The following DDAH1 variants were observed in gnomAD, a reference collection of about 807,000 sequenced individuals.
The protein encoded by DDAH1 is dimethylarginine dimethylaminohydrolase 1.
Under a neutral mutation model 28.8 loss-of-function variants are expected in DDAH1, and 19 were observed. The observed-to-expected ratio is 0.66, with a 90% CI of 0.46 to 0.97. The LOEUF (loss-of-function observed/expected upper bound fraction) is 0.97. Ranked by LOEUF, DDAH1 falls within the 50% of genes least tolerant of loss-of-function variation. DDAH1 has a pLI of 0.00. For missense variants in DDAH1, 326 were observed against 375.9 expected (o/e 0.87, Z 1.10); for synonymous variants, 153 against 154.4 (o/e 0.99, Z 0.07).
intron 2 of DDAH1, among the ~76,000 whole-genome samples, chr1:85,478,808 T>A (rs1655890998): frequency 6.6e-6 from 1 of 152,166 alleles, no homozygotes. Context: ...AAGTTGGAGA[T>A]CAGGGAATAG....
chr1:85,377,436 G>A (rs1246985844), intron 1 of DDAH1, among the ~76,000 whole-genome samples: 1 of 152,050 alleles, frequency 6.6e-6, no homozygotes, highest in Non-Finnish European at 1.5e-5. Context: ...GGCATCAAAT[G>A]AGGAGCCATC....
chr1:85,376,874 T>C (rs1332451239), intron 1 of DDAH1: 1 of 149,750 alleles, frequency 6.7e-6, no homozygotes, highest in Admixed American at 6.7e-5. Flanking sequence ...TCAACACAAA[T>C]AAGTAATAGC....
At chr1:85,363,081 A>G (rs1649876329) in intron 1 of DDAH1, among the ~76,000 whole-genome samples, 1 of 152,212 alleles carries the variant, frequency 6.6e-6, no homozygotes, top group Non-Finnish European at 1.5e-5. Flanking sequence ...TCTTTATTTC[A>G]GGGCAATATT....
intron 4 of DDAH1, among the ~76,000 whole-genome samples, chr1:85,344,132 A>C (rs1648683834): frequency 6.6e-6 from 1 of 152,234 alleles, no homozygotes; most frequent in Non-Finnish European, 1.5e-5. Context: ...TTTAAGCTCC[A>C]TTTACATGAC....
chr1:85,384,860 G>T (rs1651171081), intron 1 of DDAH1, among the ~76,000 whole-genome samples: 1 of 152,210 alleles, frequency 6.6e-6, no homozygotes, highest in Non-Finnish European at 1.5e-5. Context: ...ACATTGGCAT[G>T]AAAGGGAGCA....
intron 2 of DDAH1, among the ~76,000 whole-genome samples, chr1:85,491,532 G>T (rs535142573): frequency 5.3e-5 from 8 of 152,256 alleles, no homozygotes; most frequent in African/African-American, 1.9e-4. Flanking sequence ...AAGAGAACTG[G>T]AAACATACAT....
Position 85,321,275 on chromosome 1 carries a change from C to T in DDAH1, c.*177G>A, listed in dbSNP as rs1191498366. 6.5e-5 allele frequency: 35 copies of T among 542,596 alleles called. No individual in the cohort carries two copies. The highest frequency in any genetic ancestry group is 4.8e-4 in the Middle Eastern group (1 of 2,094). The allele number at this position is 542,596 out of a possible 1,614,324, so 33.6% of individuals were successfully genotyped here. A position where few individuals can be genotyped will look rare whatever the true frequency, so the allele number is the denominator to read the frequency against. On this transcript the variant is annotated 3_prime_UTR_variant, in exon 6 of 6. Transcript: ENST00000284031. Reference sequence around the variant, plus strand: ...CAAATCCACAGCTTAGGTACCACCTCGAGGGGAGGGAGGGTGGGGGTGTTG... The same window carrying T: ...CAAATCCACAGCTTAGGTACCACCTTGAGGGGAGGGAGGGTGGGGGTGTTG...
In DDAH1 at chr1:85,464,922, G is replaced by A. The variant is rs144754279; in HGVS notation, c.124C>T (p.Arg42Cys). 5 of 1,553,498 alleles carry A rather than the reference G, an allele frequency of 3.2e-6. No homozygotes were observed. In the African/African-American group the frequency reaches 5.7e-5, roughly 18 times the overall value. Residue 42 changes from arginine (R) to cysteine (C), a missense_variant, in exon 1 of 6, where the codon CGC becomes TGC. Coordinates refer to ENST00000284031, the MANE Select transcript of DDAH1 (RefSeq NM_012137.4). The surrounding 1 kb of genome is among the most constrained non-coding windows in gnomAD (Gnocchi z 4.4). ...TAGAGCTGGTGCTGCCGTTCCGCGC[G>A]GGCGACGTCCACCTCCTCGCCCTTG... ...SAKGEEVDVA[R>C]AERQHQLYVG...
chr1:85,322,817 T>A (rs1299477745), intron 5 of DDAH1, among the ~76,000 whole-genome samples: 1 of 152,168 alleles, frequency 6.6e-6, no homozygotes, highest in East Asian at 1.9e-4. Flanking sequence ...AACGGCTGAA[T>A]CAGGGGGGCA....
intron 1 of DDAH1, among the ~76,000 whole-genome samples, chr1:85,437,800 T>G (rs982932244): frequency 1.3e-5 from 2 of 152,200 alleles, no homozygotes; most frequent in African/African-American, 4.8e-5. Context: ...AAATACAGAT[T>G]AACCATTAAT....
chr1:85,422,754 A>T (rs961782053), intron 1 of DDAH1, among the ~76,000 whole-genome samples: 2 of 152,126 alleles, frequency 1.3e-5, no homozygotes, highest in African/African-American at 4.8e-5. Flanking sequence ...TCTTTGGGAG[A>T]TAATTAAGGT....
At chr1:85,339,483 AT>A (rs1317652142) in intron 4 of DDAH1, among the ~76,000 whole-genome samples, 1 of 152,242 alleles carries the variant, frequency 6.6e-6, no homozygotes, top group African/African-American at 2.4e-5. Context: ...CTTAAAGATT[AT>A]TGGACAAATA....
intron 2 of DDAH1, among the ~76,000 whole-genome samples, chr1:85,476,434 A>G (rs781660050): frequency 6.6e-6 from 1 of 152,230 alleles, no homozygotes; most frequent in Non-Finnish European, 1.5e-5. Flanking sequence ...ACCACTTTCC[A>G]GCTGACTTTC....
intron 4 of DDAH1, among the ~76,000 whole-genome samples, chr1:85,330,706 A>G (rs981582239): frequency 4.6e-5 from 7 of 152,242 alleles, no homozygotes; most frequent in African/African-American, 1.7e-4. Flanking sequence ...GAATTTTGCC[A>G]AAGGAATGAT....
chr1:85,489,603 CAGAG>C (rs1348370573), intron 2 of DDAH1, among the ~76,000 whole-genome samples: 2 of 151,796 alleles, frequency 1.3e-5, no homozygotes, highest in Admixed American at 1.3e-4. Context: ...TTATGAGAAT[CAGAG>C]AGAGAGGGAG....
At chr1:85,491,887 C>A (rs950615198) in intron 2 of DDAH1, among the ~76,000 whole-genome samples, 1 of 152,108 alleles carries the variant, frequency 6.6e-6, no homozygotes, top group African/African-American at 2.4e-5. Flanking sequence ...GTGACCTAAC[C>A]CCCTATACTG....
At chr1:85,519,539 T>G (rs1657600527) in intron 1 of DDAH1, among the ~76,000 whole-genome samples, 1 of 151,996 alleles carries the variant, frequency 6.6e-6, no homozygotes, top group Non-Finnish European at 1.5e-5. Context: ...TCCAAACCAG[T>G]GTGGAAACAA....
intron 5 of DDAH1, 57 bp downstream of exon 5, chr1:85,324,682 GA>G: frequency 6.2e-7 from 1 of 1,602,902 alleles, no homozygotes; most frequent in East Asian, 2.2e-5. Flanking sequence ...ACTCCTTTAT[GA>G]AAAAATCCCC....
At position 85,420,090 on chromosome 1, in the gene DDAH1, C is replaced by T. The variant is rs550829469; in HGVS notation, c.303+44653G>A. Among the ~76,000 whole-genome samples, 24 of 152,094 alleles carry T rather than the reference C, an allele frequency of 1.6e-4. No homozygotes were observed. The South Asian group carries it at 5.0e-3, about 32-fold the overall frequency. On this transcript the variant is annotated intron_variant, in intron 1 of 5. Coordinates refer to ENST00000284031, the MANE Select transcript of DDAH1 (RefSeq NM_012137.4). ...CTCTGAGCTATGGCTAGATGGGGTT[C>T]GACTGGGATGCAGGGAGCAGTGTCC...
Sources: gnomAD v4.1 joint callset for allele counts (sites outside exome capture counted in the v4.1 genomes callset) on GRCh38, gnomAD v4.1.1 for gene constraint, Gnocchi (gnomAD v3.1) non-coding constraint, MANE v1.5 for transcripts, NCBI Gene and HGNC (gene_info 2026-07-23, HGNC 2026-07-21) for gene names.